The following FKTN variants were observed in gnomAD, a reference collection of about 807,000 sequenced individuals.
The protein encoded by FKTN is ribitol-5-phosphate transferase FKTN.
Under a neutral mutation model 58.6 loss-of-function variants are expected in FKTN, and 47 were observed. The observed-to-expected ratio is 0.80, with a 90% confidence interval of 0.63 to 1.02. FKTN has a LOEUF of 1.02. Ranked by LOEUF, FKTN falls within the 50% of genes least tolerant of loss-of-function variation. The pLI, the probability that FKTN is intolerant of heterozygous loss-of-function variation, is 0.00. For missense variants in FKTN, 516 were observed against 537.3 expected (o/e 0.96, Z 0.39); for synonymous variants, 178 against 191.9 (o/e 0.93, Z 0.60).
At position 105,601,207 on chromosome 9, in the gene FKTN, T is replaced by G. The variant is rs1412923419; in HGVS notation, c.228T>G (p.Asp76Glu). 1 of 1,611,162 alleles carries G rather than the reference T, an allele frequency of 6.2e-7. No individual in the cohort carries two copies. The highest frequency in any genetic ancestry group is 8.5e-7 in the Non-Finnish European group (1 of 1,177,686). ...SNQNVPVFLI[D>E]PLILELINKN... Reference sequence around the variant, plus strand: ...AAAATGTACCAGTGTTTCTTATTGATCCTTTGATACTGGAATTGATTAATA... The same window carrying G: ...AAAATGTACCAGTGTTTCTTATTGAGCCTTTGATACTGGAATTGATTAATA... The change falls in exon 5 of 11, where the codon GAT becomes GAG. Residue 76 changes from aspartate (D) to glutamate (E), a missense_variant. Physicochemically the swap from Asp to Glu is conservative, Grantham distance 45 (BLOSUM62 2). Transcript: ENST00000357998.
intron 10 of FKTN, among the ~76,000 whole-genome samples, chr9:105,631,042 A>G (rs1389167452): frequency 6.6e-6 from 1 of 152,154 alleles, no homozygotes; most frequent in African/African-American, 2.4e-5. Context: ...CTGAGGCAGG[A>G]GAATTGCTTG....
chr9:105,616,590 GTTTA>G (rs1244632096), intron 8 of FKTN, among the ~76,000 whole-genome samples: 1 of 151,988 alleles, frequency 6.6e-6, no homozygotes. Context: ...TTTGTTTTGT[GTTTA>G]TTTGTTGTCT....
chr9:105,599,475 C>CTTTTT (rs56397759), intron 4 of FKTN, among the ~76,000 whole-genome samples: 2 of 101,170 alleles, frequency 2.0e-5, no homozygotes, highest in African/African-American at 7.3e-5. Flanking sequence ...TCAGGTTTTG[C>CTTTTT]TTTTTTTTTT....
intron 3 of FKTN, among the ~76,000 whole-genome samples, chr9:105,582,806 G>A (rs942154265): frequency 2.6e-5 from 4 of 152,140 alleles, no homozygotes; most frequent in Non-Finnish European, 4.4e-5. Context: ...ATAAGGATAA[G>A]CAGTATACCT....
chr9:105,613,911 G>A (rs927471941), intron 7 of FKTN, among the ~76,000 whole-genome samples: 3 of 152,190 alleles, frequency 2.0e-5, no homozygotes, highest in African/African-American at 7.2e-5. Flanking sequence ...GGAATGTTTT[G>A]CAGAGGTTGG....
chr9:105,625,894 C>T (rs758533379), intron 10 of FKTN, among the ~76,000 whole-genome samples: 1 of 151,686 alleles, frequency 6.6e-6, no homozygotes, highest in Non-Finnish European at 1.5e-5. Flanking sequence ...CCCTCACGAT[C>T]ATAGCTCCTG....
intron 3 of FKTN, among the ~76,000 whole-genome samples, chr9:105,575,695 A>G (rs1841542621): frequency 6.6e-6 from 1 of 152,166 alleles, no homozygotes; most frequent in Non-Finnish European, 1.5e-5. Flanking sequence ...ACCATCACTG[A>G]TAATTGTACT....
intron 1 of FKTN, among the ~76,000 whole-genome samples, chr9:105,558,432 C>T (rs1055497532): frequency 1.3e-5 from 2 of 152,064 alleles, no homozygotes; most frequent in Non-Finnish European, 2.9e-5. Flanking sequence ...AATCCTGGGA[C>T]AGATGAAAGG....
intron 10 of FKTN, among the ~76,000 whole-genome samples, chr9:105,621,657 C>T (rs1341088618): frequency 2.0e-5 from 3 of 151,958 alleles, no homozygotes; most frequent in Admixed American, 6.6e-5. Context: ...TTCATCTCTC[C>T]CCCTTTACAC....
At chr9:105,595,010 A>T (rs1254348944) in intron 3 of FKTN, among the ~76,000 whole-genome samples, 3 of 152,246 alleles carry the variant, frequency 2.0e-5, no homozygotes, top group African/African-American at 7.2e-5. Flanking sequence ...ATAAAAGGAA[A>T]TGAAGTACTG....
intron 3 of FKTN, among the ~76,000 whole-genome samples, chr9:105,576,898 T>A (rs1841829152): frequency 9.2e-6 from 1 of 108,442 alleles, no homozygotes; most frequent in Non-Finnish European, 1.9e-5. Context: ...TGGTTTTGAT[T>A]TGCATTTCTC....
rs1417387533 is a variant in FKTN at position 105,576,155 on chromosome 9, T to C, written c.105+1018T>C. ...AAAACTGAAACTTTTCTTTTTTTTTTTTTTTTAATTAATTTATTTTTTTTA... is the reference window on the plus strand; with the variant it reads ...AAAACTGAAACTTTTCTTTTTTTTTCTTTTTTAATTAATTTATTTTTTTTA... On this transcript the variant is annotated intron_variant, in intron 3 of 10. Transcript: ENST00000357998. Among the ~76,000 whole-genome samples the C allele has an allele frequency of 2.0e-5, 3 of 151,360 alleles. No homozygotes were observed. The East Asian group carries it at 5.8e-4, about 29-fold the overall frequency.
At chr9:105,582,157 G>A (rs371803852) in intron 3 of FKTN, among the ~76,000 whole-genome samples, 6 of 152,148 alleles carry the variant, frequency 3.9e-5, no homozygotes, top group Non-Finnish European at 5.9e-5. Flanking sequence ...GCTGTAGACC[G>A]GAGCTGTTCC....
intron 1 of FKTN, among the ~76,000 whole-genome samples, chr9:105,563,367 G>A (rs767763415): frequency 2.0e-5 from 3 of 149,818 alleles, no homozygotes; most frequent in African/African-American, 4.9e-5. Context: ...ACCTCACCCG[G>A]GAAGTGCAAG....
chr9:105,618,145 G>A, intron 9 of FKTN, 53 bp downstream of exon 9: 2 of 1,462,326 alleles, frequency 1.4e-6, no homozygotes, highest in Non-Finnish European at 1.9e-6. Flanking sequence ...CACTTGTAAA[G>A]TTTACATTAA....
chr9:105,596,811 C>A, intron 4 of FKTN, 154 bp downstream of exon 4: 1 of 679,394 alleles, frequency 1.5e-6, no homozygotes, highest in Non-Finnish European at 2.7e-6. Flanking sequence ...GGCCCTTTAC[C>A]AAGTGCTTTA....
chr9:105,559,470 C>T (rs1837853984), intron 1 of FKTN, among the ~76,000 whole-genome samples: 1 of 151,920 alleles, frequency 6.6e-6, no homozygotes, highest in Admixed American at 6.6e-5. Context: ...TCACCTGAGG[C>T]CAAGGAGTTC....
rs538398321 is a variant in FKTN at position 105,599,187 on chromosome 9, T to C, written c.166-1958T>C. On this transcript the variant is annotated intron_variant, in intron 4 of 10. Transcript: ENST00000357998. Reference sequence around the variant, plus strand: ...TTCCTGGTTTGCTGAAAGTTTTAAATCATGAATAGATACTGAATTTTGTCA... The same window carrying C: ...TTCCTGGTTTGCTGAAAGTTTTAAACCATGAATAGATACTGAATTTTGTCA... Among the ~76,000 whole-genome samples the C allele has an allele frequency of 5.3e-5, 8 of 152,294 alleles. 1 individual carries two copies. Among genetic ancestry groups the C allele is most frequent in the South Asian group, 2.1e-4 (1 of 4,832 alleles).
chr9:105,622,790 G>A (rs558300177), intron 10 of FKTN, among the ~76,000 whole-genome samples: 1 of 152,148 alleles, frequency 6.6e-6, no homozygotes, highest in East Asian at 1.9e-4. Context: ...AGTAGCTACT[G>A]TCAGTACTGT....
Sources: allele counts gnomAD v4.1 joint callset (sites outside exome capture counted in the v4.1 genomes callset), GRCh38; gene constraint gnomAD v4.1.1; transcripts MANE v1.5; gene names NCBI Gene and HGNC (gene_info 2026-07-23, HGNC 2026-07-21).